Variants in PPM1L observed in about 807,000 individuals in gnomAD.
The protein encoded by PPM1L is protein phosphatase, Mg2+/Mn2+ dependent 1L, also known as protein phosphatase 1L.
PPM1L carries 13 observed loss-of-function variants against 31.4 expected under a neutral mutation model. The ratio of observed to expected loss-of-function variants is 0.41; its 90% CI spans 0.27 to 0.66. The LOEUF is 0.66. Ranked by LOEUF, PPM1L falls within the 30% of genes least tolerant of loss-of-function variation. The pLI is 0.29. For missense variants in PPM1L, 326 were observed against 453.7 expected (o/e 0.72, Z 2.56); for synonymous variants, 184 against 175.4 (o/e 1.05, Z -0.39).
At chr3:160,837,840 G>C (rs2108102530) in intron 1 of PPM1L, among the ~76,000 whole-genome samples, 1 of 152,284 alleles carries the variant, frequency 6.6e-6, no homozygotes, top group East Asian at 1.9e-4. Flanking sequence ...CCCATGCCTA[G>C]AAGGGCCCTG....
At chr3:160,989,243 TGA>T (rs540396083) in intron 2 of PPM1L, among the ~76,000 whole-genome samples, 134 of 152,268 alleles carry the variant, frequency 8.8e-4, no homozygotes, top group African/African-American at 3.0e-3. Context: ...AAAACCAACA[TGA>T]TAATTGTCCT....
chr3:161,011,371 T>C (rs1717889055), intron 2 of PPM1L, among the ~76,000 whole-genome samples: 4 of 152,218 alleles, frequency 2.6e-5, no homozygotes, highest in Admixed American at 2.6e-4. Flanking sequence ...GTTCCATTGG[T>C]CTATATCTCT....
At chr3:160,900,542 C>G (rs1474603365) in intron 1 of PPM1L, among the ~76,000 whole-genome samples, 2 of 151,786 alleles carry the variant, frequency 1.3e-5, no homozygotes, top group Admixed American at 6.6e-5. Context: ...CTTTTTATTC[C>G]CCTTCCTTCA....
intron 1 of PPM1L, among the ~76,000 whole-genome samples, chr3:160,836,235 GAGTATTTTTAAGAAGTAGGA>G (rs1415239242): frequency 1.3e-5 from 2 of 152,036 alleles, no homozygotes; most frequent in Non-Finnish European, 2.9e-5. Context: ...AAGGAAGAGA[GAGTATTTTTAAGAAGTAGGA>G]AGTATTTTTA....
intron 2 of PPM1L, among the ~76,000 whole-genome samples, chr3:161,001,004 T>G (rs1210747280): frequency 6.6e-6 from 1 of 152,226 alleles, no homozygotes; most frequent in African/African-American, 2.4e-5. Flanking sequence ...CCTAAGATTT[T>G]AAACTCTTCC....
rs2108121222 is a variant in PPM1L, at chr3:161,077,636, T to C, written c.*8479T>C. ...GTTCCTGAGTGTAAATCAGTGAATC[T>C]GTTATATAGAAAGTTAACATTTCAG... On this transcript the variant is annotated 3_prime_UTR_variant, in exon 4 of 4. Transcript: ENST00000498165. 1 of 152,382 alleles carries C rather than the reference T, an allele frequency of 6.6e-6. No individual in the cohort carries two copies. The highest frequency in any genetic ancestry group is 2.4e-5 in the African/African-American group (1 of 41,598). 9.4% of individuals were successfully genotyped at this position (152,382 alleles called of 1,614,324 possible).
chr3:161,069,243 A>G lies in PPM1L; in HGVS notation c.*86A>G. ...ATTTAGTGAAAAGTGTGGGAGTTGT[A>G]ATTAGGATCATCCACCCCAGACATG... On this transcript the variant is annotated 3_prime_UTR_variant, in exon 4 of 4. Transcript: ENST00000498165. The G allele has an allele frequency of 5.8e-6, 6 of 1,031,664 alleles. No individual in the cohort carries two copies. The highest frequency in any genetic ancestry group is 8.3e-6 in the Non-Finnish European group (6 of 723,198). 63.9% of individuals were successfully genotyped at this position (1,031,664 alleles called of 1,614,324 possible).
At chr3:161,002,461 A>G (rs1220587380) in intron 2 of PPM1L, among the ~76,000 whole-genome samples, 1 of 152,134 alleles carries the variant, frequency 6.6e-6, no homozygotes, top group Non-Finnish European at 1.5e-5. Context: ...CCAACAGCGT[A>G]AAAGTGTTCC....
chr3:160,939,263 C>T (rs371395821), intron 1 of PPM1L, among the ~76,000 whole-genome samples: 2 of 152,178 alleles, frequency 1.3e-5, no homozygotes, highest in African/African-American at 4.8e-5. Context: ...CCCTCCAGCT[C>T]TATAACTCTG....
chr3:160,916,328 A>G (rs535054597), intron 1 of PPM1L, among the ~76,000 whole-genome samples: 1 of 152,226 alleles, frequency 6.6e-6, no homozygotes, highest in Non-Finnish European at 1.5e-5. Flanking sequence ...ATCACTGGCC[A>G]TCAGAGAAAT....
chr3:160,771,543 C>CCT (rs1715256317), intron 1 of PPM1L, among the ~76,000 whole-genome samples: 1 of 77,398 alleles, frequency 1.3e-5, no homozygotes, highest in South Asian at 6.0e-4. Context: ...AAGGCTGGCT[C>CCT]TTTTTTTTTT....
intron 1 of PPM1L, among the ~76,000 whole-genome samples, chr3:160,762,311 T>G (rs1054495098): frequency 1.3e-5 from 2 of 152,224 alleles, no homozygotes; most frequent in East Asian, 3.8e-4. Context: ...AAAAAATTTT[T>G]TTTTCAATGA....
chr3:160,917,600 G>T (rs1334967177), intron 1 of PPM1L, among the ~76,000 whole-genome samples: 1 of 152,078 alleles, frequency 6.6e-6, no homozygotes, highest in South Asian at 2.1e-4. Flanking sequence ...CTGGTTATTT[G>T]TTTCCCCTGC....
chr3:160,999,399 T>A (rs558067628), intron 2 of PPM1L, among the ~76,000 whole-genome samples: 2 of 152,262 alleles, frequency 1.3e-5, no homozygotes, highest in East Asian at 3.9e-4. Context: ...CTATGACTCA[T>A]AACATATATT....
intron 1 of PPM1L, among the ~76,000 whole-genome samples, chr3:160,804,990 A>G (rs1176970734): frequency 3.3e-5 from 5 of 152,154 alleles, no homozygotes; most frequent in African/African-American, 4.8e-5. Context: ...TACTCTCTGG[A>G]GACAGTGTGA....
chr3:160,963,473 T>G lies in PPM1L; in HGVS notation c.574+1563T>G, dbSNP rs1447734709. Among the ~76,000 whole-genome samples, 5 of 152,030 alleles carry G rather than the reference T, an allele frequency of 3.3e-5. 1 individual carries two copies. Among genetic ancestry groups the G allele is most frequent in the Non-Finnish European group, 5.9e-5 (4 of 67,972 alleles). ...GGACTAAAACATACATGTATGAGCT[T>G]TAGAGAAAAATTTCTGAGGAATTTG... On this transcript the variant is annotated intron_variant, in intron 2 of 3. Transcript: ENST00000498165.
At chr3:160,852,031 A>T (rs1711542393) in intron 1 of PPM1L, among the ~76,000 whole-genome samples, 1 of 152,244 alleles carries the variant, frequency 6.6e-6, no homozygotes, top group Non-Finnish European at 1.5e-5. Context: ...TTTCTGAACC[A>T]TCAAGTGTAA....
intron 2 of PPM1L, among the ~76,000 whole-genome samples, chr3:161,035,466 A>G (rs772770441): frequency 5.3e-5 from 8 of 152,244 alleles, no homozygotes; most frequent in Non-Finnish European, 1.2e-4. Context: ...GTAGACAGAC[A>G]TGCTAAAGGC....
intron 1 of PPM1L, among the ~76,000 whole-genome samples, chr3:160,915,371 A>G (rs1714132391): frequency 6.6e-6 from 1 of 152,186 alleles, no homozygotes; most frequent in South Asian, 2.1e-4. Context: ...GGACCTCTTC[A>G]AGGAGAACTA....
Sources: allele counts gnomAD v4.1 joint callset (sites outside exome capture counted in the v4.1 genomes callset), GRCh38; gene constraint gnomAD v4.1.1; transcripts MANE v1.5; gene names NCBI Gene and HGNC (gene_info 2026-07-23, HGNC 2026-07-21).